Variants in SEL1L2 observed in about 807,000 individuals in gnomAD.
The protein encoded by SEL1L2 is protein sel-1 homolog 2.
A neutral mutation model predicts 98.8 loss-of-function variants in SEL1L2; 89 were observed. The observed-to-expected ratio is 0.90, with a 90% CI of 0.76 to 1.07. The LOEUF is 1.07. Among genes scored for constraint, SEL1L2 ranks in the 50% least tolerant of loss-of-function variants. The pLI, the probability that SEL1L2 is intolerant of heterozygous loss-of-function variation, is 0.00. For synonymous variants in SEL1L2, 262 were observed against 278.5 expected, an observed-to-expected ratio of 0.94 and a Z score of 0.59; for missense variants, 788 against 812.0, an observed-to-expected ratio of 0.97 and a Z score of 0.36.
intron 5 of SEL1L2, among the ~76,000 whole-genome samples, chr20:13,901,761 C>A (rs920670620): frequency 6.6e-6 from 1 of 151,384 alleles, no homozygotes; most frequent in African/African-American, 2.4e-5. Context: ...TCCCAGGTTC[C>A]CGCCATTCTC....
At chr20:13,857,182 G>A (rs1989294931) in intron 18 of SEL1L2, among the ~76,000 whole-genome samples, 1 of 150,966 alleles carries the variant, frequency 6.6e-6, no homozygotes, top group Non-Finnish European at 1.5e-5. Context: ...ATCCAAGTGG[G>A]AGGTTAAGAG....
intron 13 of SEL1L2, among the ~76,000 whole-genome samples, 193 bp downstream of exon 13, chr20:13,869,948 T>C (rs2046105366): frequency 6.6e-6 from 1 of 152,210 alleles, no homozygotes; most frequent in South Asian, 2.1e-4. Flanking sequence ...TTAGAATTAC[T>C]ATTCTTGTCA....
chr20:13,913,067 C>T (rs1351209186), intron 5 of SEL1L2, among the ~76,000 whole-genome samples: 1 of 152,084 alleles, frequency 6.6e-6, no homozygotes, highest in Non-Finnish European at 1.5e-5. Context: ...GCAAGTCTAG[C>T]TTCTGAACTT....
At chr20:13,957,264 C>T (rs2050583833) in intron 1 of SEL1L2, among the ~76,000 whole-genome samples, 1 of 152,064 alleles carries the variant, frequency 6.6e-6, no homozygotes, top group Non-Finnish European at 1.5e-5. Context: ...CTGCCCCCAG[C>T]TAATTTTTCT....
chr20:13,854,324 C>G (rs1057508935), intron 18 of SEL1L2, among the ~76,000 whole-genome samples: 18 of 152,168 alleles, frequency 1.2e-4, no homozygotes, highest in Admixed American at 1.3e-4. Context: ...TTTAGAACAG[C>G]TTTCCTATCC....
chr20:13,981,283 G>C (rs905091494), intron 1 of SEL1L2, among the ~76,000 whole-genome samples: 1 of 152,054 alleles, frequency 6.6e-6, no homozygotes, highest in Non-Finnish European at 1.5e-5. Context: ...GAATAGAATG[G>C]TGGTTATCAG....
intron 11 of SEL1L2, among the ~76,000 whole-genome samples, 184 bp from the exon 12 acceptor site, chr20:13,876,299 A>G (rs1441714767): frequency 2.6e-5 from 4 of 152,144 alleles, no homozygotes; most frequent in Non-Finnish European, 2.9e-5. Context: ...ATTTTACCTC[A>G]ATTTAAAACA....
chr20:13,940,535 G>T (rs2049715680), intron 2 of SEL1L2, among the ~76,000 whole-genome samples: 1 of 152,146 alleles, frequency 6.6e-6, no homozygotes, highest in African/African-American at 2.4e-5. Context: ...TTTACTGAAG[G>T]ACAAGAGGAA....
chr20:13,954,418 T>C (rs2050424301), intron 2 of SEL1L2, among the ~76,000 whole-genome samples: 1 of 152,100 alleles, frequency 6.6e-6, no homozygotes, highest in African/African-American at 2.4e-5. Flanking sequence ...TTTGCAGACT[T>C]TGGGCTTTTC....
chr20:13,930,384 C>T (rs1462929810), intron 3 of SEL1L2, among the ~76,000 whole-genome samples: 1 of 152,236 alleles, frequency 6.6e-6, no homozygotes, highest in Non-Finnish European at 1.5e-5. Context: ...CCCTGTGGCA[C>T]TTCAGGGCCA....
At chr20:13,908,039 G>C (rs983487097) in intron 5 of SEL1L2, among the ~76,000 whole-genome samples, 1 of 144,134 alleles carries the variant, frequency 6.9e-6, no homozygotes, top group Non-Finnish European at 1.5e-5. Flanking sequence ...TCCCGCCTCA[G>C]CCTCCCAAAG....
At chr20:13,853,289 C>A (rs1379556032) in intron 18 of SEL1L2, among the ~76,000 whole-genome samples, 1 of 151,984 alleles carries the variant, frequency 6.6e-6, no homozygotes, top group Non-Finnish European at 1.5e-5. Flanking sequence ...GCCTCCACCT[C>A]CAGGGCTTGA....
chr20:13,879,693 A>G (rs1287353218), intron 10 of SEL1L2, among the ~76,000 whole-genome samples: 1 of 152,220 alleles, frequency 6.6e-6, no homozygotes, highest in Non-Finnish European at 1.5e-5. Context: ...AATAGAAAAT[A>G]GAAGCCACTG....
intron 1 of SEL1L2, among the ~76,000 whole-genome samples, chr20:13,973,721 TATG>T (rs2051392857): frequency 1.3e-5 from 2 of 152,188 alleles, no homozygotes; most frequent in Non-Finnish European, 2.9e-5. Flanking sequence ...CTTTGAGGCC[TATG>T]ATGAAGTTGT....
At chr20:13,857,707 C>T (rs1331374008) in intron 18 of SEL1L2, among the ~76,000 whole-genome samples, 1 of 152,196 alleles carries the variant, frequency 6.6e-6, no homozygotes, top group East Asian at 1.9e-4. Flanking sequence ...GTGCTTCTCC[C>T]ATATTATTAT....
chr20:13,924,239 C>A (rs1014273024), intron 3 of SEL1L2, among the ~76,000 whole-genome samples: 4 of 151,306 alleles, frequency 2.6e-5, no homozygotes, highest in Admixed American at 2.6e-4. Context: ...TGGTATTTTT[C>A]TTTCAATCTA....
intron 3 of SEL1L2, among the ~76,000 whole-genome samples, chr20:13,931,105 G>A (rs1440473415): frequency 4.7e-5 from 7 of 150,472 alleles, no homozygotes; most frequent in East Asian, 2.0e-4. Flanking sequence ...GTACAGTGGC[G>A]CGATCTTGGC....
At chr20:13,888,635 C>CT (rs71188192) in intron 5 of SEL1L2, 123 bp from the exon 6 acceptor site, 14,875 of 201,968 alleles carry the variant, frequency 0.074, 135 homozygotes, top group South Asian at 0.13. Flanking sequence ...CTTTCTTTCT[C>CT]TTTTTTTTTT....
At chr20:13,927,903 C>T (rs1285098610) in intron 3 of SEL1L2, 3 of 152,164 alleles carry the variant, frequency 2.0e-5, no homozygotes, top group Non-Finnish European at 4.4e-5. Context: ...GGTACTGTTC[C>T]CAAGCTGTGT....
Sources: gnomAD v4.1 joint callset for allele counts (sites outside exome capture counted in the v4.1 genomes callset) on GRCh38, gnomAD v4.1.1 for gene constraint, MANE v1.5 for transcripts, NCBI Gene and HGNC (gene_info 2026-07-23, HGNC 2026-07-21) for gene names.